The following HDAC5 variants were observed in gnomAD, a reference collection of about 807,000 sequenced individuals.
The protein encoded by HDAC5 is histone deacetylase 5, also known as antigen NY-CO-9.
A neutral mutation model predicts 133.3 loss-of-function variants in HDAC5; 25 were observed. The observed-to-expected ratio is 0.19, with a 90% CI of 0.14 to 0.26. The LOEUF (loss-of-function observed/expected upper bound fraction) is 0.26, where lower values mean the gene tolerates loss of function less well. HDAC5 is among the 10% of genes least tolerant of loss of function. HDAC5 has a pLI of 1.00. For missense variants in HDAC5, 1,041 were observed against 1,460.5 expected (o/e 0.71, Z 4.68); for synonymous variants, 589 against 610.8 (o/e 0.96, Z 0.53).
At chr17:44,082,956 A>G (rs959458272) in intron 18 of HDAC5, 136 bp from the exon 19 acceptor site, 20 of 737,320 alleles carry the variant, frequency 2.7e-5, no homozygotes, top group Non-Finnish European at 4.1e-5. Context: ...TTTAATGCAC[A>G]ATTTTGTTGG....
rs534382707 is a variant in HDAC5, at chr17:44,092,033, G to A, written c.1032+139C>T. 45 of 937,686 alleles carry A rather than the reference G, an allele frequency of 4.8e-5. No individual in the cohort carries two copies. The African/African-American group carries it at 6.0e-4, about 12-fold the overall frequency. The allele number at this position is 937,686 out of a possible 1,614,324, so 58.1% of individuals were successfully genotyped here. A position where few individuals can be genotyped will look rare whatever the true frequency, so the allele number is the denominator to read the frequency against. ...CTTCAATGCAATTAAGTCCAAGCAA[G>A]GATCCTCCAGCCTATTCATGTGGGC... is the stretch of plus-strand genomic sequence containing the variant. On this transcript the variant is annotated intron_variant, in intron 9 of 26. Transcript: ENST00000682912.
chr17:44,080,601 C>T (rs2050345772), intron 21 of HDAC5, 103 bp from the exon 22 acceptor site: 1 of 1,473,258 alleles, frequency 6.8e-7, no homozygotes, highest in East Asian at 2.3e-5. Flanking sequence ...CTGACCTCTG[C>T]TCTGCCTGGA....
chr17:44,096,369 C>T (rs2051269964), intron 3 of HDAC5, among the ~76,000 whole-genome samples: 1 of 151,968 alleles, frequency 6.6e-6, no homozygotes, highest in Non-Finnish European at 1.5e-5. Flanking sequence ...CTTCTGGCTA[C>T]CAGTATCTTC....
chr17:44,092,562 A>G (rs2051007232), intron 7 of HDAC5, 35 bp from the exon 8 acceptor site: 1 of 1,594,522 alleles, frequency 6.3e-7, no homozygotes, highest in South Asian at 1.1e-5. Context: ...AGATACGCGC[A>G]CAGCAGCACA....
chr17:44,080,204 G>C lies in HDAC5; in HGVS notation c.2847C>G (p.Ala949=). Residue 949 remains alanine (A), a synonymous_variant, in exon 23 of 27, where the codon GCC becomes GCG. Coordinates refer to ENST00000682912, the MANE Select transcript of HDAC5 (RefSeq NM_005474.5). ...TAFRTVVMPI[A]HEFSPDVVLV... is the part of the protein sequence containing the mutation. ...GGACCACATCAGGTGAGAACTCGTG[G>C]GCAATGGGCATCACCACTGTCCTGC... 1 of 1,614,044 alleles carries C rather than the reference G, an allele frequency of 6.2e-7. No homozygotes were observed. The highest frequency in any genetic ancestry group is 1.1e-5 in the South Asian group (1 of 91,076).
At chr17:44,093,542 G>A (rs771208733) in intron 4 of HDAC5, 33 bp downstream of exon 4, 4 of 1,598,600 alleles carry the variant, frequency 2.5e-6, no homozygotes, top group South Asian at 2.2e-5. Context: ...GGGATCGGAG[G>A]TCTGGGCGGC....
At chr17:44,123,019 C>T (rs2053106437) in intron 1 of HDAC5, among the ~76,000 whole-genome samples, 1 of 152,188 alleles carries the variant, frequency 6.6e-6, no homozygotes, top group African/African-American at 2.4e-5. Context: ...GACATAAAAT[C>T]AAGGATGCGT....
intron 2 of HDAC5, 81 bp from the exon 3 acceptor site, chr17:44,110,881 C>T (rs1265920066): frequency 1.5e-5 from 18 of 1,232,490 alleles, no homozygotes; most frequent in Non-Finnish European, 2.1e-5. Context: ...CAGCAGCATG[C>T]CAGGGAGGGG....
At chr17:44,108,313 A>C (rs556810408) in intron 3 of HDAC5, among the ~76,000 whole-genome samples, 5 of 152,280 alleles carry the variant, frequency 3.3e-5, no homozygotes, top group African/African-American at 1.2e-4. Flanking sequence ...AGAGCCCAGG[A>C]ATCCTGCCAG....
In HDAC5 at chr17:44,078,612, G is replaced by A. The variant is rs755819986; in HGVS notation, c.3217C>T (p.Arg1073Ter). ...KFAAGLGRSLREAQAGETEEA... is the reference protein window; with the variant it reads ...KFAAGLGRSL Reference sequence around the variant, plus strand: ...TCGGTCTCACCTGCTTGGGCCTCTCGCAGGGACCGGCCCAGACCAGCGGCG... The same window carrying A: ...TCGGTCTCACCTGCTTGGGCCTCTCACAGGGACCGGCCCAGACCAGCGGCG... Residue 1073 changes from arginine (R) to a stop codon, truncating the protein, a stop_gained, in exon 26 of 27, where the codon CGA (arginine) becomes TGA (stop). Coordinates refer to ENST00000682912, the MANE Select transcript of HDAC5 (RefSeq NM_005474.5). LOFTEE classifies it high-confidence loss of function. The A allele has an allele frequency of 6.2e-7, 1 of 1,607,770 alleles. No homozygotes were observed.
chr17:44,084,934 G>T, intron 15 of HDAC5, 88 bp downstream of exon 15: 1 of 1,486,848 alleles, frequency 6.7e-7, no homozygotes, highest in South Asian at 1.3e-5. Context: ...AAGAGAGGAT[G>T]AGGAAGAAGC....
At chr17:44,094,881 A>G (rs1346898596) in intron 3 of HDAC5, among the ~76,000 whole-genome samples, 1 of 152,026 alleles carries the variant, frequency 6.6e-6, no homozygotes, top group Non-Finnish European at 1.5e-5. Context: ...GTGGCTCATG[A>G]CAGCCTCGAC....
intron 11 of HDAC5, among the ~76,000 whole-genome samples, chr17:44,089,839 G>A (rs886480528): frequency 1.4e-5 from 2 of 143,458 alleles, no homozygotes; most frequent in South Asian, 2.3e-4. Flanking sequence ...CAAAAGAACC[G>A]CTTGAAGCTT....
rs140777624 is a variant in HDAC5, at chr17:44,085,100, G to A, written c.2106C>T (p.His702=). 1.9e-4 allele frequency: 308 copies of A among 1,606,000 alleles called. No homozygotes were observed. Among genetic ancestry groups the A allele is most frequent in the Non-Finnish European group, 2.3e-4 (274 of 1,173,326 alleles). Residue 702 remains histidine, a synonymous_variant, in exon 15 of 27, where the codon CAC becomes CAT. Transcript: ENST00000682912. Reference sequence around the variant, plus strand: ...TCCGGCCAGCATGCTCAGGGTGCACGTGTGTGTTCCCGCACATGCACTGGT... The same window carrying A: ...TCCGGCCAGCATGCTCAGGGTGCACATGTGTGTTCCCGCACATGCACTGGT... ...LKHQCMCGNT[H]VHPEHAGRIQ... is the part of the protein sequence containing the mutation.
intron 2 of HDAC5, among the ~76,000 whole-genome samples, chr17:44,114,965 G>C (rs2052565431): frequency 6.6e-6 from 1 of 152,202 alleles, no homozygotes; most frequent in African/African-American, 2.4e-5. Context: ...CCGAGCCAGA[G>C]GGAAGTCATC....
At position 44,078,544 on chromosome 17, in the gene HDAC5, C is replaced by T; in HGVS notation, c.3285G>A (p.Gly1095=). ...TVSAMALLSV[G]AEQAQAAAAR... ...CTGCCGCAGCCTGGGCCTGCTCGGC[C>T]CCCACCGACAGCAAGGCCATGGCGC... Residue 1095 remains glycine (G), a synonymous_variant, in exon 26 of 27, where the codon GGG becomes GGA. Coordinates refer to ENST00000682912, the MANE Select transcript of HDAC5 (RefSeq NM_005474.5). 1.2e-6 allele frequency: 2 copies of T among 1,612,280 alleles called. No individual in the cohort carries two copies. The highest frequency in any genetic ancestry group is 3.3e-4 in the Middle Eastern group (2 of 6,060).
chr17:44,080,679 G>A, intron 21 of HDAC5, 84 bp downstream of exon 21: 1 of 1,586,650 alleles, frequency 6.3e-7, no homozygotes, highest in Non-Finnish European at 8.6e-7. Flanking sequence ...CACCACCATG[G>A]GCCTCCGTGG....
chr17:44,120,417 T>C (rs780266317), intron 1 of HDAC5: 2 of 152,142 alleles, frequency 1.3e-5, no homozygotes, highest in African/African-American at 4.8e-5. Flanking sequence ...AGTCTGAGAT[T>C]GTTTCACTCT....
intron 3 of HDAC5, among the ~76,000 whole-genome samples, chr17:44,103,086 T>C (rs1168897286): frequency 1.3e-5 from 2 of 152,126 alleles, no homozygotes; most frequent in Non-Finnish European, 2.9e-5. Context: ...CAGCAGCTTC[T>C]AATTACCTTG....
Sources: allele counts gnomAD v4.1 joint callset (sites outside exome capture counted in the v4.1 genomes callset), GRCh38; gene constraint gnomAD v4.1.1; transcripts MANE v1.5; gene names NCBI Gene and HGNC (gene_info 2026-07-23, HGNC 2026-07-21).